TRHDE: variants seen among roughly 807,000 people sequenced by gnomAD.
The protein encoded by TRHDE is thyrotropin-releasing hormone-degrading ectoenzyme.
In TRHDE, 72 loss-of-function variants were observed where a neutral mutation model predicts 125.7. The ratio of observed to expected loss-of-function variants is 0.57; its 90% confidence interval spans 0.47 to 0.70. TRHDE has a LOEUF of 0.70. TRHDE is among the 30% of genes least tolerant of loss of function. TRHDE has a pLI of 0.00. For synonymous variants in TRHDE, 509 were observed against 509.1 expected (o/e 1.00, Z 0.00); for missense variants, 1,110 against 1,327.1 (o/e 0.84, Z 2.54).
At position 72,191,582 on chromosome 12, in the gene TRHDE, G is replaced by C. The variant is rs1365333671; in HGVS notation, n.279+85830G>C. Among the ~76,000 whole-genome samples, 3 of 152,072 alleles carry C rather than the reference G, an allele frequency of 2.0e-5. No individual in the cohort carries two copies. In the South Asian group the frequency reaches 6.2e-4, roughly 32 times the overall value. On this transcript the variant is annotated intron_variant and non_coding_transcript_variant, in intron 2 of 4. Transcript: ENST00000548156. The stretch of plus-strand genomic sequence containing the variant: ...TACGAGTAAAGGTAATTTTAACCAG[G>C]GTCTTTTAACATGTGGAAATTTGAG...
rs115909283 is a variant in TRHDE at position 72,424,338 on chromosome 12, A to G, written c.1316-45420A>G. Among the ~76,000 whole-genome samples the G allele has an allele frequency of 7.4e-3, 1,120 of 152,108 alleles. 7 individuals carry two copies. Among genetic ancestry groups the G allele is most frequent in the African/African-American group, 0.026 (1,075 of 41,460 alleles). On this transcript the variant is annotated intron_variant, in intron 3 of 18. Coordinates refer to ENST00000261180, the MANE Select transcript of TRHDE (RefSeq NM_013381.3). ...TTTTCCTTTTCTTATAAGAATATCA[A>G]TCATATTGGATTAAGCCCTCACTAA...
At chr12:72,253,801 T>A (rs946401559) in intron 2 of TRHDE, 2 of 152,190 alleles carry the variant, frequency 1.3e-5, no homozygotes, top group Non-Finnish European at 2.9e-5. Flanking sequence ...TATAATCATC[T>A]TCTTTAGCCT....
intron 2 of TRHDE, among the ~76,000 whole-genome samples, chr12:72,343,344 G>A (rs190658033): frequency 1.2e-3 from 188 of 151,982 alleles, no homozygotes; most frequent in Non-Finnish European, 2.0e-3. Flanking sequence ...ACAGTCGGCC[G>A]TTTATATATG....
intron 3 of TRHDE, among the ~76,000 whole-genome samples, chr12:72,393,315 T>G (rs1206020971): frequency 6.6e-6 from 1 of 152,202 alleles, no homozygotes; most frequent in East Asian, 1.9e-4. Flanking sequence ...CTAATAATAA[T>G]GCATATTATT....
chr12:72,094,367 G>C (rs1173186834), intron 1 of TRHDE, among the ~76,000 whole-genome samples: 1 of 152,196 alleles, frequency 6.6e-6, no homozygotes, highest in Non-Finnish European at 1.5e-5. Context: ...GCCAAGGCTG[G>C]GGTCTGCAGG....
intron 15 of TRHDE, among the ~76,000 whole-genome samples, chr12:72,645,351 C>A (rs201863072): frequency 6.6e-6 from 1 of 152,184 alleles, no homozygotes; most frequent in East Asian, 1.9e-4. Flanking sequence ...AAGGGTTAAA[C>A]AGCAGATCAG....
intron 3 of TRHDE, among the ~76,000 whole-genome samples, chr12:72,388,640 C>T (rs1872522634): frequency 1.3e-5 from 2 of 152,018 alleles, no homozygotes; most frequent in Non-Finnish European, 2.9e-5. Context: ...TTATAAACTA[C>T]CAAGAAAACT....
intron 3 of TRHDE, among the ~76,000 whole-genome samples, chr12:72,406,417 G>A (rs1009657969): frequency 1.3e-5 from 2 of 152,100 alleles, no homozygotes; most frequent in Admixed American, 6.6e-5. Flanking sequence ...CAAGATACTT[G>A]GGCTTTTCTT....
At chr12:72,470,163 G>GCAGC (rs1876574200) in intron 4 of TRHDE, among the ~76,000 whole-genome samples, 1 of 152,182 alleles carries the variant, frequency 6.6e-6, no homozygotes, top group South Asian at 2.1e-4. Context: ...CTGCCACCCA[G>GCAGC]CAGCCTCTTT....
chr12:72,331,788 A>G (rs1361186345), intron 2 of TRHDE, among the ~76,000 whole-genome samples: 2 of 152,224 alleles, frequency 1.3e-5, no homozygotes, highest in Non-Finnish European at 2.9e-5. Context: ...GTTGAATTAC[A>G]TATGGATCAG....
chr12:72,593,064 G>GA (rs1384086252), intron 12 of TRHDE, among the ~76,000 whole-genome samples: 1 of 152,166 alleles, frequency 6.6e-6, no homozygotes, highest in Non-Finnish European at 1.5e-5. Context: ...TGATCAGCCA[G>GA]AAAAGTGAGT....
At chr12:72,103,002 A>T (rs1875103837) in intron 1 of TRHDE, among the ~76,000 whole-genome samples, 1 of 152,216 alleles carries the variant, frequency 6.6e-6, no homozygotes, top group South Asian at 2.1e-4. Flanking sequence ...TGCTTGCTTC[A>T]CATCTTCCTC....
At chr12:72,328,420 G>T (rs1371818982) in intron 2 of TRHDE, among the ~76,000 whole-genome samples, 2 of 150,132 alleles carry the variant, frequency 1.3e-5, no homozygotes, top group East Asian at 1.9e-4. Context: ...ATTTCTATTG[G>T]TTTTTTTAAA....
intron 12 of TRHDE, among the ~76,000 whole-genome samples, chr12:72,610,047 G>T (rs1299127937): frequency 1.3e-5 from 2 of 152,126 alleles, no homozygotes; most frequent in Non-Finnish European, 2.9e-5. Flanking sequence ...GCAGTAGTCT[G>T]TATTTCAATT....
chr12:72,392,457 A>C (rs1359932854), intron 3 of TRHDE, among the ~76,000 whole-genome samples: 1 of 152,202 alleles, frequency 6.6e-6, no homozygotes, highest in African/African-American at 2.4e-5. Flanking sequence ...TTATAGTGAA[A>C]AAATATGTGA....
intron 2 of TRHDE, among the ~76,000 whole-genome samples, chr12:72,232,793 C>T (rs1376131898): frequency 6.6e-6 from 1 of 152,118 alleles, no homozygotes; most frequent in Non-Finnish European, 1.5e-5. Context: ...AACACCTTTA[C>T]AGTAAATGTT....
At chr12:72,471,174 A>G (rs1165316074) in intron 4 of TRHDE, among the ~76,000 whole-genome samples, 1 of 151,982 alleles carries the variant, frequency 6.6e-6, no homozygotes, top group Non-Finnish European at 1.5e-5. Context: ...CACCGTGCCC[A>G]GCCCCTAAAT....
At chr12:72,151,026 G>T (rs1003256184) in intron 2 of TRHDE, among the ~76,000 whole-genome samples, 7 of 152,152 alleles carry the variant, frequency 4.6e-5, no homozygotes, top group Non-Finnish European at 7.3e-5. Context: ...CAGTGTAAAA[G>T]TGTTCCTATT....
chr12:72,320,593 A>T (rs1869041755), intron 2 of TRHDE, among the ~76,000 whole-genome samples: 1 of 149,968 alleles, frequency 6.7e-6, no homozygotes, highest in Non-Finnish European at 1.5e-5. Flanking sequence ...AGCAAGTAAC[A>T]GAATTGCGTT....
Sources: gnomAD v4.1 joint callset for allele counts (sites outside exome capture counted in the v4.1 genomes callset) on GRCh38, gnomAD v4.1.1 for gene constraint, MANE v1.5 for transcripts, NCBI Gene and HGNC (gene_info 2026-07-23, HGNC 2026-07-21) for gene names.